Variants in TTC7B observed in about 807,000 individuals in gnomAD.
TTC7B encodes tetratricopeptide repeat protein 7B.
A neutral mutation model predicts 106.8 loss-of-function variants in TTC7B; 28 were observed. That is an observed-to-expected ratio of 0.26 (90% CI 0.19 to 0.36). The LOEUF is 0.36. Ranked by LOEUF, TTC7B falls within the 10% of genes least tolerant of loss-of-function variation. The pLI, the probability that TTC7B is intolerant of heterozygous loss-of-function variation, is 1.00. For synonymous variants in TTC7B, 405 were observed against 430.6 expected (o/e 0.94, Z 0.74); for missense variants, 862 against 1,076.4 (o/e 0.80, Z 2.79).
intron 18 of TTC7B, among the ~76,000 whole-genome samples, chr14:90,579,834 A>AAAAAC (rs1216038592): frequency 6.6e-6 from 1 of 152,238 alleles, no homozygotes; most frequent in East Asian, 1.9e-4. Context: ...CAACAACGAA[A>AAAAAC]AAAACAAGAA....
At chr14:90,614,687 C>T (rs1344583458) in intron 16 of TTC7B, among the ~76,000 whole-genome samples, 2 of 152,234 alleles carry the variant, frequency 1.3e-5, no homozygotes, top group African/African-American at 4.8e-5. Flanking sequence ...CCACTTTTAG[C>T]TTCAATTTTA....
intron 3 of TTC7B, among the ~76,000 whole-genome samples, chr14:90,746,337 T>A (rs575567057): frequency 1.4e-4 from 21 of 152,354 alleles, no homozygotes; most frequent in South Asian, 6.2e-4. Flanking sequence ...TTTGTCCATT[T>A]CTTTTGAGTT....
intron 1 of TTC7B, among the ~76,000 whole-genome samples, chr14:90,815,372 A>G (rs2031111217): frequency 6.6e-6 from 1 of 152,136 alleles, no homozygotes; most frequent in Admixed American, 6.5e-5. Flanking sequence ...TAAAGGGGTC[A>G]TGAACCAACT....
intron 1 of TTC7B, among the ~76,000 whole-genome samples, chr14:90,800,693 C>T (rs1015627390): frequency 2.6e-5 from 4 of 152,116 alleles, no homozygotes; most frequent in Admixed American, 6.6e-5. Flanking sequence ...CGCCTGTAGT[C>T]CCAGCTACTC....
At chr14:90,637,133 T>C (rs1335273432) in intron 15 of TTC7B, among the ~76,000 whole-genome samples, 1 of 151,890 alleles carries the variant, frequency 6.6e-6, no homozygotes, top group East Asian at 1.9e-4. Context: ...CAGACAAGTA[T>C]CTGGCAAGAC....
At chr14:90,688,701 GGGAGGCTGAGGCA>G in intron 7 of TTC7B, among the ~76,000 whole-genome samples, 1 of 151,028 alleles carries the variant, frequency 6.6e-6, no homozygotes, top group Non-Finnish European at 1.5e-5. Flanking sequence ...TCAGCTACTT[GGGAGGCTGAGGCA>G]GGAGAATCAC....
intron 19 of TTC7B, among the ~76,000 whole-genome samples, chr14:90,558,389 C>G (rs1191006840): frequency 2.0e-5 from 3 of 152,280 alleles, no homozygotes; most frequent in Admixed American, 2.0e-4. Context: ...GGGCTGCGCC[C>G]ACCAAGCCCA....
intron 3 of TTC7B, among the ~76,000 whole-genome samples, chr14:90,779,442 T>C (rs966932560): frequency 2.6e-5 from 4 of 152,218 alleles, no homozygotes; most frequent in African/African-American, 7.2e-5. Context: ...GTAGCTGGGA[T>C]TACAGGCACC....
At chr14:90,793,854 C>T (rs1439638677) in intron 1 of TTC7B, among the ~76,000 whole-genome samples, 5 of 151,732 alleles carry the variant, frequency 3.3e-5, no homozygotes, top group African/African-American at 7.3e-5. Flanking sequence ...GTGATCCGCC[C>T]GCCTCGGCCT....
At chr14:90,640,285 A>AAG (rs56184689) in intron 15 of TTC7B, among the ~76,000 whole-genome samples, 8,537 of 152,028 alleles carry the variant, frequency 0.056, 334 homozygotes, top group Middle Eastern at 0.11. Context: ...ACAAAAAAAA[A>AAG]AGAGAGAGAG....
intron 19 of TTC7B, among the ~76,000 whole-genome samples, chr14:90,552,274 C>A (rs796120955): frequency 2.6e-5 from 4 of 152,370 alleles, no homozygotes; most frequent in Admixed American, 6.5e-5. Context: ...AGTTGAAGGA[C>A]CTTCTGGGCA....
chr14:90,641,790 C>T (rs1020349551), intron 15 of TTC7B, among the ~76,000 whole-genome samples: 9 of 152,182 alleles, frequency 5.9e-5, no homozygotes, highest in Non-Finnish European at 1.2e-4. Context: ...GGAGGCATTA[C>T]CATATTAGCC....
At position 90,536,915 on chromosome 14, in the gene TTC7B, C is replaced by T. The variant is rs1889431665; in HGVS notation, c.*4453G>A. 6.6e-6 allele frequency: 1 copy of T among 152,384 alleles called. No homozygotes were observed. Among genetic ancestry groups the T allele is most frequent in the South Asian group, 2.1e-4 (1 of 4,838 alleles). The allele number at this position is 152,384 out of a possible 1,614,324, so 9.4% of individuals were successfully genotyped here. ...AATGGCCCTGGACTATCCAGGGGGC[C>T]CAGAGCAACCAGCAGAGTCCTTAGA... is the stretch of plus-strand genomic sequence containing the variant. On this transcript the variant is annotated 3_prime_UTR_variant, in exon 20 of 20. Transcript: ENST00000328459.
At chr14:90,557,626 T>C (rs1205648062) in intron 19 of TTC7B, among the ~76,000 whole-genome samples, 1 of 152,240 alleles carries the variant, frequency 6.6e-6, no homozygotes, top group Admixed American at 6.5e-5. Context: ...GAGGCCTGGC[T>C]GGAGTCTCCA....
chr14:90,558,644 C>A (rs1890429678), intron 19 of TTC7B, among the ~76,000 whole-genome samples: 1 of 152,198 alleles, frequency 6.6e-6, no homozygotes, highest in African/African-American at 2.4e-5. Flanking sequence ...AAATTTTTTT[C>A]CACAAATAAC....
intron 8 of TTC7B, among the ~76,000 whole-genome samples, 199 bp from the exon 9 acceptor site, chr14:90,676,859 A>G (rs1490090525): frequency 6.6e-6 from 1 of 152,166 alleles, no homozygotes; most frequent in African/African-American, 2.4e-5. Context: ...GGATGATCCA[A>G]ACACTGAAGT....
intron 2 of TTC7B, among the ~76,000 whole-genome samples, chr14:90,785,045 A>G (rs1891340170): frequency 6.6e-6 from 1 of 152,284 alleles, no homozygotes; most frequent in South Asian, 2.1e-4. Flanking sequence ...CTCAAATTGA[A>G]AGCTCACAGG....
chr14:90,815,725 C>A (rs2031132695), intron 1 of TTC7B, among the ~76,000 whole-genome samples: 1 of 152,054 alleles, frequency 6.6e-6, no homozygotes, highest in Non-Finnish European at 1.5e-5. Flanking sequence ...GTACAACACC[C>A]CATTCTCAAG....
intron 2 of TTC7B, among the ~76,000 whole-genome samples, chr14:90,783,477 G>A (rs1396384546): frequency 6.6e-6 from 1 of 152,172 alleles, no homozygotes; most frequent in Non-Finnish European, 1.5e-5. Context: ...TGTGTATCTA[G>A]TGCTATACAG....
Sources: gnomAD v4.1 joint callset for allele counts (sites outside exome capture counted in the v4.1 genomes callset) on GRCh38, gnomAD v4.1.1 for gene constraint, MANE v1.5 for transcripts, NCBI Gene and HGNC (gene_info 2026-07-23, HGNC 2026-07-21) for gene names.